Variants in TATDN2 observed in about 807,000 individuals in gnomAD.
The protein encoded by TATDN2 is TatD DNase domain containing 2.
A neutral mutation model predicts 60.3 loss-of-function variants in TATDN2; 44 were observed. The observed-to-expected ratio is 0.73, with a 90% CI of 0.57 to 0.94. The LOEUF (loss-of-function observed/expected upper bound fraction) is 0.94. Among genes scored for constraint, TATDN2 ranks in the 40% least tolerant of loss-of-function variants. The pLI is 0.00. For missense variants in TATDN2, 997 were observed against 948.0 expected (o/e 1.05, Z -0.68); for synonymous variants, 399 against 355.8 (o/e 1.12, Z -1.37).
At chr3:10,262,390 C>G (rs554862640) in intron 3 of TATDN2, among the ~76,000 whole-genome samples, 1 of 152,108 alleles carries the variant, frequency 6.6e-6, no homozygotes, top group Middle Eastern at 3.2e-3. Flanking sequence ...CATGGAGAAA[C>G]TTTTTTTGGT....
chr3:10,264,953 G>A (rs1249425353), intron 3 of TATDN2, among the ~76,000 whole-genome samples: 1 of 150,144 alleles, frequency 6.7e-6, no homozygotes, highest in Non-Finnish European at 1.5e-5. Context: ...TGGGATTACA[G>A]GCGTGAGCCA....
At position 10,254,819 on chromosome 3, in the gene TATDN2, C is replaced by G. The variant is rs1004573678; in HGVS notation, c.414+5205C>G. ...TGCTTCCAGGAAGAACGAACTCTCCCCTTTATGAAGTCAGGTGGTTTGTCT... is the reference window on the plus strand; with the variant it reads ...TGCTTCCAGGAAGAACGAACTCTCCGCTTTATGAAGTCAGGTGGTTTGTCT... On this transcript the variant is annotated intron_variant, in intron 2 of 7. Transcript: ENST00000448281. 3.3e-5 allele frequency among the ~76,000 whole-genome samples: 5 copies of G among 152,106 alleles called. No homozygotes were observed. The East Asian group carries it at 9.6e-4, about 29-fold the overall frequency.
intron 4 of TATDN2, among the ~76,000 whole-genome samples, chr3:10,274,273 T>C (rs1412790684): frequency 1.3e-5 from 2 of 152,198 alleles, no homozygotes; most frequent in East Asian, 3.8e-4. Flanking sequence ...ACATTATAAA[T>C]GTAATGTTAT....
intron 2 of TATDN2, among the ~76,000 whole-genome samples, chr3:10,252,149 A>AC (rs1356200209): frequency 1.1e-3 from 155 of 145,188 alleles, no homozygotes; most frequent in African/African-American, 3.9e-3. Flanking sequence ...CTCAGTCTCA[A>AC]AAAAAAAAAA....
In TATDN2 at chr3:10,278,046, G is replaced by A. The variant is rs955065653; in HGVS notation, c.1962-233G>A. Among the ~76,000 whole-genome samples, 2 of 152,074 alleles carry A rather than the reference G, an allele frequency of 1.3e-5. No individual in the cohort carries two copies. Among genetic ancestry groups the A allele is most frequent in the Non-Finnish European group, 2.9e-5 (2 of 68,018 alleles). ...GGTGGTCATCTCAGGGGACTGCAGA[G>A]CACTCTGTGGTGTGCGTGGTATCTC... On this transcript the variant is annotated intron_variant, in intron 5 of 7. Transcript: ENST00000448281. This position sits in a 1 kb window ranked among gnomAD's most constrained non-coding sequence, Gnocchi z 4.7.
chr3:10,277,471 G>A (rs567370588), intron 5 of TATDN2, among the ~76,000 whole-genome samples: 1 of 152,296 alleles, frequency 6.6e-6, no homozygotes, highest in Admixed American at 6.5e-5. Flanking sequence ...AGACTCAGGA[G>A]GTGATGCCTG....
intron 3 of TATDN2, among the ~76,000 whole-genome samples, chr3:10,264,868 G>A (rs373096320): frequency 1.2e-4 from 18 of 151,656 alleles, no homozygotes; most frequent in African/African-American, 3.9e-4. Flanking sequence ...TAGAAGGGAC[G>A]GGGTTTCATT....
intron 4 of TATDN2, among the ~76,000 whole-genome samples, chr3:10,274,989 ATTTT>A (rs34892858): frequency 7.3e-6 from 1 of 136,266 alleles, no homozygotes. Context: ...TAATGAATTA[ATTTT>A]TTTTTTTTTT....
intron 3 of TATDN2, among the ~76,000 whole-genome samples, chr3:10,266,931 C>CTTTTTTTTTTTTTTTTTTTT (rs199956355): frequency 1.6e-5 from 2 of 126,884 alleles, no homozygotes; most frequent in Non-Finnish European, 1.6e-5. Context: ...CTAAGGCAGT[C>CTTTTTTTTTTTTTTTTTTTT]TTTTTTTTTT....
At chr3:10,254,737 C>T (rs1698279626) in intron 2 of TATDN2, among the ~76,000 whole-genome samples, 1 of 152,146 alleles carries the variant, frequency 6.6e-6, no homozygotes, top group South Asian at 2.1e-4. Flanking sequence ...AGGGCTGGAG[C>T]AACATCTCCA....
At position 10,278,967 on chromosome 3, in the gene TATDN2, C is replaced by T. The variant is rs141696630; in HGVS notation, c.2228C>T (p.Pro743Leu). The T allele has an allele frequency of 1.9e-6, 3 of 1,614,164 alleles. No homozygotes were observed. Among genetic ancestry groups the T allele is most frequent in the East Asian group, 2.2e-5 (1 of 44,890 alleles). Residue 743 changes from proline to leucine, a missense_variant, in exon 7 of 8, where the codon CCA becomes CTA. Coordinates refer to ENST00000448281, the MANE Select transcript of TATDN2 (RefSeq NM_014760.4). This position sits in a 1 kb window ranked among gnomAD's most constrained non-coding sequence, Gnocchi z 4.7. ...GAGATTGCCAGAGTCAAAGATCAGC[C>T]ACTCTCCCTCACCTTGGCTGCCTTG... ...VREIARVKDQ[P>L]LSLTLAALRE...
rs552381010 is a variant in TATDN2 at position 10,268,834 on chromosome 3, C to T, written c.949-1297C>T. On this transcript the variant is annotated intron_variant, in intron 3 of 7. Coordinates refer to ENST00000448281, the MANE Select transcript of TATDN2 (RefSeq NM_014760.4). ...CATCAGTGGAAAAAAAATAAAAATT[C>T]CTGATCTCGTGGCGCTTACCTTCTC... is the stretch of plus-strand genomic sequence containing the variant. 2.0e-5 allele frequency among the ~76,000 whole-genome samples: 3 copies of T among 152,288 alleles called. No individual in the cohort carries two copies. In the East Asian group the frequency reaches 5.8e-4, roughly 29 times the overall value.
intron 2 of TATDN2, among the ~76,000 whole-genome samples, chr3:10,252,694 T>C (rs1038534123): frequency 1.2e-5 from 1 of 85,252 alleles, no homozygotes; most frequent in African/African-American, 3.3e-5. Context: ...CTCTGTAAAC[T>C]TTTTTTTTTT....
intron 2 of TATDN2, 73 bp downstream of exon 2, chr3:10,249,687 T>G: frequency 6.9e-7 from 1 of 1,446,532 alleles, no homozygotes; most frequent in Non-Finnish European, 9.1e-7. Context: ...ATGGGAATTT[T>G]GGTGGAAGGA....
rs117152809 is a variant in TATDN2, at chr3:10,263,503, A to T, written c.948+2833A>T. Reference sequence around the variant, plus strand: ...TGCCTTTCTCCCTTGTTTCTAGCCAATTTCTTGCTTTACTTTGTAGGATAT... The same window carrying T: ...TGCCTTTCTCCCTTGTTTCTAGCCATTTTCTTGCTTTACTTTGTAGGATAT... On this transcript the variant is annotated intron_variant, in intron 3 of 7. Coordinates refer to ENST00000448281, the MANE Select transcript of TATDN2 (RefSeq NM_014760.4). Among the ~76,000 whole-genome samples the T allele has an allele frequency of 3.3e-5, 5 of 151,320 alleles. No homozygotes were observed. The East Asian group carries it at 9.7e-4, about 29-fold the overall frequency.
intron 2 of TATDN2, among the ~76,000 whole-genome samples, chr3:10,253,992 G>A (rs1698266919): frequency 1.3e-5 from 2 of 152,220 alleles, no homozygotes; most frequent in South Asian, 2.1e-4. Flanking sequence ...CAAGACGAAG[G>A]TGCCAGGGTC....
intron 4 of TATDN2, among the ~76,000 whole-genome samples, chr3:10,272,145 C>T (rs1387170199): frequency 1.3e-5 from 2 of 151,894 alleles, no homozygotes; most frequent in African/African-American, 2.4e-5. Context: ...GTCTTTGTCG[C>T]CCACACTGGA....
intron 2 of TATDN2, among the ~76,000 whole-genome samples, chr3:10,250,795 G>T (rs1443559247): frequency 1.3e-5 from 2 of 152,206 alleles, no homozygotes; most frequent in Admixed American, 1.3e-4. Context: ...CTCAAATCAG[G>T]TAAGTATGGG....
intron 2 of TATDN2, among the ~76,000 whole-genome samples, chr3:10,258,090 C>T (rs1387961244): frequency 3.3e-5 from 5 of 150,752 alleles, no homozygotes; most frequent in South Asian, 2.1e-4. Flanking sequence ...TCGATGGGCC[C>T]GCCTCGGCCT....
Sources: gnomAD v4.1 joint callset for allele counts (sites outside exome capture counted in the v4.1 genomes callset) on GRCh38, gnomAD v4.1.1 for gene constraint, Gnocchi (gnomAD v3.1) non-coding constraint, MANE v1.5 for transcripts, NCBI Gene and HGNC (gene_info 2026-07-23, HGNC 2026-07-21) for gene names.